KRR1: variants seen among roughly 807,000 people sequenced by gnomAD.
KRR1 encodes KRR1 small subunit processome component.
Under a neutral mutation model 50.0 loss-of-function variants are expected in KRR1, and 23 were observed. The ratio of observed to expected loss-of-function variants is 0.46; its 90% confidence interval spans 0.33 to 0.65. The LOEUF (loss-of-function observed/expected upper bound fraction) is 0.65, where lower values mean the gene tolerates loss of function less well. Among genes scored for constraint, KRR1 ranks in the 30% least tolerant of loss-of-function variants. The pLI, the probability that KRR1 is intolerant of heterozygous loss-of-function variation, is 0.02. For synonymous variants in KRR1, 133 were observed against 146.3 expected (o/e 0.91, Z 0.66); for missense variants, 419 against 442.4 (o/e 0.95, Z 0.47).
At chr12:75,505,091 T>C (rs888600472) in intron 6 of KRR1, 107 bp downstream of exon 6, 1 of 1,176,630 alleles carries the variant, frequency 8.5e-7, no homozygotes, top group Non-Finnish European at 1.2e-6. Context: ...CTCTGCTTTA[T>C]CTGTTTGTGC....
chr12:75,510,418 A>T (rs1365603640), intron 1 of KRR1, among the ~76,000 whole-genome samples: 1 of 152,220 alleles, frequency 6.6e-6, no homozygotes, highest in African/African-American at 2.4e-5. Context: ...AAATTGGGGT[A>T]TATTCATACA....
chr12:75,506,378 A>G lies in KRR1; in HGVS notation c.541T>C (p.Cys181Arg). 1 of 1,612,276 alleles carries G rather than the reference A, an allele frequency of 6.2e-7. No individual in the cohort carries two copies. Among genetic ancestry groups the G allele is most frequent in the East Asian group, 2.2e-5 (1 of 44,760 alleles). ...GTGTTTCCCTGAACCATAATGTAAC[A>G]ATTAGTTAAGAGTTCCAATGCCTGT... ...TLKALELLTN[C>R]YIMVQGNTVS... The change falls in exon 5 of 10, where the codon TGT becomes CGT. Residue 181 changes from cysteine to arginine, a missense_variant. Cys to Arg is a radical substitution (Grantham distance 180). Coordinates refer to ENST00000229214, the MANE Select transcript of KRR1 (RefSeq NM_007043.7).
In KRR1 at chr12:75,506,508, A is replaced by G; in HGVS notation, c.495T>C (p.Ile165=). Reference sequence around the variant, plus strand: ...CCTTCAATGTAGATCCTTTGGGACCAATAAGCCGTTGTCTTCGTTTTACAA... The same window carrying G: ...CCTTCAATGTAGATCCTTTGGGACCGATAAGCCGTTGTCTTCGTTTTACAA... ...ERFVKRRQRL[I]GPKGSTLKAL... is the part of the protein sequence containing the mutation. Residue 165 remains isoleucine (I), a synonymous_variant, in exon 4 of 10, where the codon ATT becomes ATC. Coordinates refer to ENST00000229214, the MANE Select transcript of KRR1 (RefSeq NM_007043.7). 6.2e-7 allele frequency: 1 copy of G among 1,611,488 alleles called. No individual in the cohort carries two copies. The highest frequency in any genetic ancestry group is 8.5e-7 in the Non-Finnish European group (1 of 1,179,040).
chr12:75,508,545 G>C, intron 1 of KRR1, 99 bp from the exon 2 acceptor site: 6 of 782,070 alleles, frequency 7.7e-6, no homozygotes, highest in Non-Finnish European at 1.2e-5. Context: ...AACATCCTAT[G>C]CACATATTCA....
chr12:75,506,776 A>T lies in KRR1; in HGVS notation c.393+6T>A, dbSNP rs745754700. ...CAAAGCAAAGTCTCTGTAATTCTAG[A>T]TTTACCTGTTCAAATGAAACACTCC... On this transcript the variant is annotated splice_donor_region_variant and intron_variant, in intron 3 of 9. Transcript: ENST00000229214. 1 of 1,604,130 alleles carries T rather than the reference A, an allele frequency of 6.2e-7. No homozygotes were observed. Among genetic ancestry groups the T allele is most frequent in the South Asian group, 1.1e-5 (1 of 89,778 alleles).
chr12:75,506,719 G>A (rs2046424135), intron 3 of KRR1, 63 bp downstream of exon 3: 1 of 1,559,302 alleles, frequency 6.4e-7, no homozygotes, highest in Non-Finnish European at 8.6e-7. Context: ...AAAACTTGAT[G>A]GTGGGATGTT....
intron 1 of KRR1, among the ~76,000 whole-genome samples, chr12:75,509,759 AT>A (rs141358671): frequency 3.6e-3 from 499 of 140,132 alleles, no homozygotes; most frequent in Middle Eastern, 3.6e-3. Context: ...TGTCCGGCTA[AT>A]TTTTTTTTTT....
chr12:75,492,070 A>C lies in KRR1; in HGVS notation c.*7739T>G, dbSNP rs970162746. 1.3e-5 allele frequency: 2 copies of C among 149,364 alleles called. No homozygotes were observed. The highest frequency in any genetic ancestry group is 3.0e-5 in the Non-Finnish European group (2 of 67,624). 9.3% of individuals were successfully genotyped at this position (149,364 alleles called of 1,614,324 possible). A position where few individuals can be genotyped will look rare whatever the true frequency, so the allele number is the denominator to read the frequency against. On this transcript the variant is annotated 3_prime_UTR_variant, in exon 10 of 10. Transcript: ENST00000229214. ...AACTAGACAAAGCCATAATTCAGTT[A>C]GTGGTAACTTTTCATGACTTTTTTT...
At position 75,495,340 on chromosome 12, in the gene KRR1, G is replaced by A. The variant is rs2046343941; in HGVS notation, c.*4469C>T. The A allele has an allele frequency of 7.6e-6, 3 of 395,052 alleles. No homozygotes were observed. The highest frequency in any genetic ancestry group is 6.1e-5 in the African/African-American group (3 of 49,372). 24.5% of individuals were successfully genotyped at this position (395,052 alleles called of 1,614,324 possible). On this transcript the variant is annotated 3_prime_UTR_variant, in exon 10 of 10. Transcript: ENST00000229214. ...ACAAGAATAACTTCCTCTCAGAGCT[G>A]TCACAATTAAATGGGATGCAGATTA...
In KRR1 at chr12:75,496,807, A is replaced by G. The variant is rs1026999694; in HGVS notation, c.*3002T>C. On this transcript the variant is annotated 3_prime_UTR_variant, in exon 10 of 10. Transcript: ENST00000229214. ...TGCAGGCCTAAAATTATAAAATTCTATATATTAAACTGCTTGCTCTCCTCC... is the reference window on the plus strand; with the variant it reads ...TGCAGGCCTAAAATTATAAAATTCTGTATATTAAACTGCTTGCTCTCCTCC... The G allele has an allele frequency of 2.0e-5, 3 of 152,164 alleles. No homozygotes were observed. In the South Asian group the frequency reaches 6.2e-4, roughly 32 times the overall value. 9.4% of individuals were successfully genotyped at this position (152,164 alleles called of 1,614,324 possible). A position where few individuals can be genotyped will look rare whatever the true frequency, so the allele number is the denominator to read the frequency against.
intron 5 of KRR1, among the ~76,000 whole-genome samples, chr12:75,505,871 T>C (rs2046419554): frequency 1.3e-5 from 2 of 152,098 alleles, no homozygotes; most frequent in Admixed American, 1.3e-4. Context: ...TATTAAACAT[T>C]ATACTAAAAT....
intron 6 of KRR1, 27 bp from the exon 7 acceptor site, chr12:75,504,101 T>G: frequency 6.4e-7 from 1 of 1,558,080 alleles, no homozygotes; most frequent in South Asian, 1.2e-5. Context: ...AAGTAAAAAT[T>G]TTTACTTTCC....
intron 1 of KRR1, among the ~76,000 whole-genome samples, chr12:75,510,625 G>A (rs181139420): frequency 8.1e-4 from 124 of 152,284 alleles, no homozygotes; most frequent in East Asian, 5.8e-4. Flanking sequence ...ACAATTCAGG[G>A]TGGTTACGTC....
In KRR1 at chr12:75,496,007, T is replaced by G. The variant is rs1393683024; in HGVS notation, c.*3802A>C. The G allele has an allele frequency of 7.7e-6, 1 of 129,196 alleles. No individual in the cohort carries two copies. The highest frequency in any genetic ancestry group is 1.7e-5 in the Non-Finnish European group (1 of 58,120). 8.0% of individuals were successfully genotyped at this position (129,196 alleles called of 1,614,324 possible). A position where few individuals can be genotyped will look rare whatever the true frequency, so the allele number is the denominator to read the frequency against. On this transcript the variant is annotated 3_prime_UTR_variant, in exon 10 of 10. Coordinates refer to ENST00000229214, the MANE Select transcript of KRR1 (RefSeq NM_007043.7). ...CAGAATTCTGTTTTCGTTTTTTTTTTTGTTTTTTTTTTTTGAGACAGAGTC... is the reference window on the plus strand; with the variant it reads ...CAGAATTCTGTTTTCGTTTTTTTTTGTGTTTTTTTTTTTTGAGACAGAGTC...
At chr12:75,502,311 T>C (rs999574862) in intron 7 of KRR1, 4 of 233,376 alleles carry the variant, frequency 1.7e-5, no homozygotes, top group Admixed American at 5.2e-5. Flanking sequence ...GAAGCTTCAA[T>C]GGCAGACAAA....
At chr12:75,506,157 GA>G in intron 5 of KRR1, 158 bp downstream of exon 5, 1 of 543,738 alleles carries the variant, frequency 1.8e-6, no homozygotes, top group South Asian at 2.5e-5. Flanking sequence ...CAGATATGAT[GA>G]TTCCCTTGAA....
intron 7 of KRR1, chr12:75,502,315 A>C: frequency 4.4e-6 from 1 of 226,786 alleles, no homozygotes; most frequent in Non-Finnish European, 8.6e-6. Context: ...CTTCAATGGC[A>C]GACAAAGTAG....
intron 9 of KRR1, 78 bp from the exon 10 acceptor site, chr12:75,500,029 A>T (rs958369385): frequency 4.3e-6 from 5 of 1,163,302 alleles, no homozygotes; most frequent in Non-Finnish European, 6.0e-6. Flanking sequence ...TTTAACAAAG[A>T]ATATATGTTT....
chr12:75,509,958 TA>T (rs1259234864), intron 1 of KRR1, among the ~76,000 whole-genome samples: 2 of 151,928 alleles, frequency 1.3e-5, no homozygotes, highest in East Asian at 3.9e-4. Flanking sequence ...TAATTTTTTT[TA>T]AAATCCCCAC....
Sources: gnomAD v4.1 joint callset for allele counts (sites outside exome capture counted in the v4.1 genomes callset) on GRCh38, gnomAD v4.1.1 for gene constraint, MANE v1.5 for transcripts, NCBI Gene and HGNC (gene_info 2026-07-23, HGNC 2026-07-21) for gene names.